The following CUX2 variants were observed in gnomAD, a reference collection of about 807,000 sequenced individuals.
CUX2 encodes homeobox protein cut-like 2.
In CUX2, 40 loss-of-function variants were observed where a neutral mutation model predicts 144.8. That is an observed-to-expected ratio of 0.28 (90% CI 0.21 to 0.36). The LOEUF (loss-of-function observed/expected upper bound fraction) is 0.36, where lower values mean the gene tolerates loss of function less well. Ranked by LOEUF, CUX2 falls within the 10% of genes least tolerant of loss-of-function variation. The pLI, the probability that CUX2 is intolerant of heterozygous loss-of-function variation, is 1.00. For synonymous variants in CUX2, 827 were observed against 875.6 expected, an observed-to-expected ratio of 0.94 and a Z score of 0.98; for missense variants, 1,615 against 1,994.0, an observed-to-expected ratio of 0.81 and a Z score of 3.62.
Position 111,310,950 on chromosome 12 carries a change from T to TC in CUX2, c.1900+270dup, listed in dbSNP as rs1352338346. On this transcript the variant is annotated intron_variant, in intron 15 of 21. Transcript: ENST00000261726. The surrounding 1 kb of genome is among the most constrained non-coding windows in gnomAD (Gnocchi z 7.9). Reference sequence around the variant, plus strand: ...CAGGGTAAGGGTGGCGGGAAAAGGCTCCAGGCGCTGCCCTGGCAGGTATTC... The same window carrying TC: ...CAGGGTAAGGGTGGCGGGAAAAGGCTCCCAGGCGCTGCCCTGGCAGGTATTC... 2.6e-5 allele frequency among the ~76,000 whole-genome samples: 4 copies of TC among 152,218 alleles called. No individual in the cohort carries two copies. Among genetic ancestry groups the TC allele is most frequent in the Non-Finnish European group, 4.4e-5 (3 of 68,036 alleles).
At chr12:111,306,779 G>A (rs1886606097) in intron 10 of CUX2, 142 bp from the exon 11 acceptor site, 1 of 649,272 alleles carries the variant, frequency 1.5e-6, no homozygotes, top group South Asian at 2.2e-5. Flanking sequence ...ACAACACTTT[G>A]AATTTTTCAA....
chr12:111,056,810 G>T (rs1330299106), intron 1 of CUX2, among the ~76,000 whole-genome samples: 2 of 152,222 alleles, frequency 1.3e-5, no homozygotes, highest in Non-Finnish European at 2.9e-5. Context: ...TGAGGGCGAT[G>T]GTGGTGGTGA....
chr12:111,187,425 C>A (rs1035725693), intron 1 of CUX2, among the ~76,000 whole-genome samples: 2 of 152,172 alleles, frequency 1.3e-5, no homozygotes, highest in African/African-American at 4.8e-5. Context: ...CCTGGCCCCC[C>A]CACTGCTCTG....
At chr12:111,181,988 C>T (rs927022909) in intron 1 of CUX2, among the ~76,000 whole-genome samples, 3 of 152,074 alleles carry the variant, frequency 2.0e-5, no homozygotes, top group Non-Finnish European at 4.4e-5. Flanking sequence ...ACTGACTCAT[C>T]GGATTATCTC....
At chr12:111,234,508 T>G (rs1882634135) in intron 3 of CUX2, among the ~76,000 whole-genome samples, 1 of 152,112 alleles carries the variant, frequency 6.6e-6, no homozygotes, top group South Asian at 2.1e-4. Flanking sequence ...GTCCCAGGTG[T>G]ACCAATGAGA....
At chr12:111,315,036 G>A (rs1472802893) in intron 16 of CUX2, among the ~76,000 whole-genome samples, 1 of 152,068 alleles carries the variant, frequency 6.6e-6, no homozygotes, top group Non-Finnish European at 1.5e-5. Flanking sequence ...AGACAGCATC[G>A]CAGCAGAGGA....
Position 111,312,218 on chromosome 12 carries a change from C to T in CUX2, c.2002+17C>T. 2 of 1,587,612 alleles carry T rather than the reference C, an allele frequency of 1.3e-6. No individual in the cohort carries two copies. The highest frequency in any genetic ancestry group is 8.6e-7 in the Non-Finnish European group (1 of 1,163,800). On this transcript the variant is annotated intron_variant, in intron 16 of 21. Transcript: ENST00000261726. The surrounding 1 kb of genome is among the most constrained non-coding windows in gnomAD (Gnocchi z 4.3). ...AGAAGGGCGGTGAGTGTGACCCCTGCAGGCAAAGCCTGAGGCCCCCGGGGC... is the reference window on the plus strand; with the variant it reads ...AGAAGGGCGGTGAGTGTGACCCCTGTAGGCAAAGCCTGAGGCCCCCGGGGC...
Position 111,320,991 on chromosome 12 carries a change from A to G in CUX2, c.2766+216A>G, listed in dbSNP as rs1887498974. Among the ~76,000 whole-genome samples the G allele has an allele frequency of 6.6e-6, 1 of 152,002 alleles. No individual in the cohort carries two copies. Among genetic ancestry groups the G allele is most frequent in the Non-Finnish European group, 1.5e-5 (1 of 67,970 alleles). ...CATCCTGGCCAGCAAACAGCCACTT[A>G]ACTCCCCTCCTCCAGGCCCCTCCAG... On this transcript the variant is annotated intron_variant, in intron 17 of 21. Transcript: ENST00000261726. The surrounding 1 kb of genome is among the most constrained non-coding windows in gnomAD (Gnocchi z 8.1).
intron 1 of CUX2, among the ~76,000 whole-genome samples, chr12:111,115,821 C>G (rs921638615): frequency 2.0e-5 from 3 of 152,254 alleles, no homozygotes; most frequent in Admixed American, 2.0e-4. Flanking sequence ...TTGTCTCCCC[C>G]ACTAGACCAT....
At chr12:111,196,578 G>A (rs747859198) in intron 1 of CUX2, among the ~76,000 whole-genome samples, 64 of 152,134 alleles carry the variant, frequency 4.2e-4, no homozygotes, top group Non-Finnish European at 8.5e-4. Flanking sequence ...TTGAAGAAAT[G>A]AATGGCAGGT....
chr12:111,343,959 A>G (rs1325314499), intron 21 of CUX2, among the ~76,000 whole-genome samples: 1 of 152,154 alleles, frequency 6.6e-6, no homozygotes, highest in Non-Finnish European at 1.5e-5. Flanking sequence ...AGGCTGAGAC[A>G]CGAGAATCAC....
intron 16 of CUX2, among the ~76,000 whole-genome samples, chr12:111,318,547 C>T (rs978359131): frequency 6.0e-5 from 9 of 150,358 alleles, no homozygotes; most frequent in Non-Finnish European, 7.4e-5. Flanking sequence ...CACCTGAGAT[C>T]GAGCCACTGC....
chr12:111,258,708 T>G (rs557799154), intron 3 of CUX2, among the ~76,000 whole-genome samples: 2 of 151,974 alleles, frequency 1.3e-5, no homozygotes, highest in African/African-American at 4.8e-5. Flanking sequence ...ATTGTAAAGA[T>G]AGAGTCTCAT....
chr12:111,331,162 T>C (rs1381112796), intron 18 of CUX2, among the ~76,000 whole-genome samples: 1 of 151,694 alleles, frequency 6.6e-6, no homozygotes, highest in Non-Finnish European at 1.5e-5. Flanking sequence ...TGATAGACAT[T>C]TCTTGCACAA....
chr12:111,210,584 A>G (rs1881162707), intron 1 of CUX2, among the ~76,000 whole-genome samples: 1 of 152,190 alleles, frequency 6.6e-6, no homozygotes, highest in Admixed American at 6.5e-5. Flanking sequence ...GCTTGAGTCT[A>G]GGAGTTTGAG....
At chr12:111,282,230 G>A (rs1384518464) in intron 4 of CUX2, among the ~76,000 whole-genome samples, 1 of 151,892 alleles carries the variant, frequency 6.6e-6, no homozygotes, top group African/African-American at 2.4e-5. Context: ...GCTGAGGCAG[G>A]AGAATGGTGT....
At position 111,077,773 on chromosome 12, in the gene CUX2, A is replaced by G. The variant is rs1285417235; in HGVS notation, c.63+43533A>G. Among the ~76,000 whole-genome samples, 1 of 152,152 alleles carries G rather than the reference A, an allele frequency of 6.6e-6. No homozygotes were observed. The highest frequency in any genetic ancestry group is 1.5e-5 in the Non-Finnish European group (1 of 68,034). On this transcript the variant is annotated intron_variant, in intron 1 of 21. Transcript: ENST00000261726. This position sits in a 1 kb window ranked among gnomAD's most constrained non-coding sequence, Gnocchi z 4.1. ...CCTCCTCCTGGAAGAAATTGACCAG[A>G]TTATCTCCCACCTCAAATGGCAGCA...
intron 3 of CUX2, among the ~76,000 whole-genome samples, chr12:111,241,503 T>G (rs1240432787): frequency 2.0e-5 from 3 of 152,252 alleles, no homozygotes; most frequent in Non-Finnish European, 4.4e-5. Context: ...TGATGTCATC[T>G]TGTTTCATTC....
At chr12:111,308,398 G>A (rs1340055977) in intron 13 of CUX2, 29 bp from the exon 14 acceptor site, 1 of 1,613,940 alleles carries the variant, frequency 6.2e-7, no homozygotes, top group Non-Finnish European at 8.5e-7. Context: ...CCCACCAGGT[G>A]CCCTCTCAAC....
Sources: gnomAD v4.1 joint callset for allele counts (sites outside exome capture counted in the v4.1 genomes callset) on GRCh38, gnomAD v4.1.1 for gene constraint, Gnocchi (gnomAD v3.1) non-coding constraint, MANE v1.5 for transcripts, NCBI Gene and HGNC (gene_info 2026-07-23, HGNC 2026-07-21) for gene names.